Variants in FYCO1 observed in about 807,000 individuals in gnomAD.
The protein encoded by FYCO1 is FYVE and coiled-coil domain autophagy adaptor 1, also known as FYVE and coiled-coil domain-containing protein 1.
FYCO1 carries 122 observed loss-of-function variants against 165.1 expected under a neutral mutation model. The observed-to-expected ratio is 0.74, with a 90% CI of 0.64 to 0.86. FYCO1 has a LOEUF of 0.86. Ranked by LOEUF, FYCO1 falls within the 40% of genes least tolerant of loss-of-function variation. The pLI is 0.00. For missense variants in FYCO1, 1,702 were observed against 1,810.3 expected (o/e 0.94, Z 1.09); for synonymous variants, 648 against 742.5 (o/e 0.87, Z 2.07).
Position 45,921,723 on chromosome 3 carries a change from A to G in FYCO1, c.*42T>C, listed in dbSNP as rs766460342. 8.1e-7 allele frequency: 1 copy of G among 1,240,670 alleles called. No individual in the cohort carries two copies. Among genetic ancestry groups the G allele is most frequent in the South Asian group, 1.2e-5 (1 of 83,756 alleles). 76.9% of individuals were successfully genotyped at this position (1,240,670 alleles called of 1,614,324 possible). Reference sequence around the variant, plus strand: ...CTTTATGTGACAGGTGAGGAAGAGCAGTGTTTCCTGTGGATGAAGTGAAGT... The same window carrying G: ...CTTTATGTGACAGGTGAGGAAGAGCGGTGTTTCCTGTGGATGAAGTGAAGT... On this transcript the variant is annotated 3_prime_UTR_variant, in exon 18 of 18. Transcript: ENST00000296137.
intron 15 of FYCO1, among the ~76,000 whole-genome samples, chr3:45,933,006 C>A (rs566944389): frequency 5.8e-4 from 88 of 152,306 alleles, no homozygotes; most frequent in African/African-American, 2.0e-3. Flanking sequence ...CTCCAGAATT[C>A]TCCCCTGGCA....
At chr3:45,948,229 T>A (rs1305059503) in intron 14 of FYCO1, 1 of 167,082 alleles carries the variant, frequency 6.0e-6, no homozygotes. Context: ...AAAAATGAAA[T>A]TTTCCAATGT....
In FYCO1 at chr3:45,964,601, C is replaced by T; in HGVS notation, c.3151-147G>A. On this transcript the variant is annotated intron_variant, in intron 9 of 17. Coordinates refer to ENST00000296137, the MANE Select transcript of FYCO1 (RefSeq NM_024513.4). This position sits in a 1 kb window ranked among gnomAD's most constrained non-coding sequence, Gnocchi z 4.1. The stretch of plus-strand genomic sequence containing the variant: ...CTATTAAGTTCAAGAGGCCATGAAC[C>T]TCTGCTCTATATTTGTGGGGCCTCA... The T allele has an allele frequency of 1.4e-5, 21 of 1,489,938 alleles. No individual in the cohort carries two copies. In the South Asian group the frequency reaches 2.6e-4, roughly 18 times the overall value. 92.3% of individuals were successfully genotyped at this position (1,489,938 alleles called of 1,614,324 possible).
chr3:45,955,349 T>C lies in FYCO1; in HGVS notation c.3844A>G (p.Ile1282Val), dbSNP rs758502497. 1.2e-6 allele frequency: 2 copies of C among 1,614,208 alleles called. No homozygotes were observed. Among genetic ancestry groups the C allele is most frequent in the Middle Eastern group, 1.7e-4 (1 of 6,058 alleles). The part of the protein sequence containing the change: ...YRPPDDAVFD[I>V]ITDEELCQIQ... ...TGGCACAATTCCTCATCTGTGATGA[T>C]ATCAAACACAGCGTCGTCCGGTGGC... Residue 1282 changes from isoleucine (I) to valine (V), a missense_variant, in exon 14 of 18, where the codon ATC (isoleucine) becomes GTC (valine). By Grantham distance (29) the Ile-to-Val change is conservative (BLOSUM62 3). Transcript: ENST00000296137.
At position 45,962,494 on chromosome 3, in the gene FYCO1, G is replaced by T; in HGVS notation, c.3270-102C>A. 1.9e-6 allele frequency: 2 copies of T among 1,045,412 alleles called. No homozygotes were observed. The highest frequency in any genetic ancestry group is 3.0e-6 in the Non-Finnish European group (2 of 664,878). The allele number at this position is 1,045,412 out of a possible 1,614,324, so 64.8% of individuals were successfully genotyped here. A position where few individuals can be genotyped will look rare whatever the true frequency, so the allele number is the denominator to read the frequency against. On this transcript the variant is annotated intron_variant, in intron 10 of 17. Coordinates refer to ENST00000296137, the MANE Select transcript of FYCO1 (RefSeq NM_024513.4). This position sits in a 1 kb window ranked among gnomAD's most constrained non-coding sequence, Gnocchi z 4.4. ...CTAATGAGGGGTGCTACTGCCCTCC[G>T]CCATGGGGGAGCCCCTTGGTATCTG...
intron 14 of FYCO1, among the ~76,000 whole-genome samples, chr3:45,942,106 G>A (rs897918322): frequency 2.0e-5 from 3 of 152,190 alleles, no homozygotes; most frequent in Non-Finnish European, 4.4e-5. Context: ...CAGTCTGAAC[G>A]AATTCATTCA....
intron 1 of FYCO1, among the ~76,000 whole-genome samples, chr3:45,994,646 C>T (rs1220540208): frequency 6.6e-6 from 1 of 152,122 alleles, no homozygotes; most frequent in African/African-American, 2.4e-5. Flanking sequence ...TCCAGCTCCC[C>T]ACCCCTCCCC....
At chr3:45,973,856 G>C (rs1278858842) in intron 5 of FYCO1, among the ~76,000 whole-genome samples, 3 of 152,118 alleles carry the variant, frequency 2.0e-5, no homozygotes, top group African/African-American at 4.8e-5. Context: ...CCAGGAGTTT[G>C]AGGCCAGGGT....
At chr3:45,975,404 C>G (rs1455453073) in intron 4 of FYCO1, 59 bp from the exon 5 acceptor site, 1 of 1,295,366 alleles carries the variant, frequency 7.7e-7, no homozygotes. Context: ...AAATACAGAC[C>G]TGGTCTCATA....
Position 45,942,159 on chromosome 3 carries a change from A to C in FYCO1, c.3945-5616T>G, listed in dbSNP as rs142022365. 4.0e-4 allele frequency among the ~76,000 whole-genome samples: 61 copies of C among 152,352 alleles called. 2 individuals carry two copies. The East Asian group carries it at 0.012, about 29-fold the overall frequency. Reference sequence around the variant, plus strand: ...ACTAGAGGTCTTCAGATCTTTTATCAGGGCCCCCTGGCACAGCTCCATACT... The same window carrying C: ...ACTAGAGGTCTTCAGATCTTTTATCCGGGCCCCCTGGCACAGCTCCATACT... On this transcript the variant is annotated intron_variant, in intron 14 of 17. Coordinates refer to ENST00000296137, the MANE Select transcript of FYCO1 (RefSeq NM_024513.4).
chr3:45,925,056 A>C (rs1703257475), intron 16 of FYCO1, among the ~76,000 whole-genome samples: 1 of 152,018 alleles, frequency 6.6e-6, no homozygotes, highest in Non-Finnish European at 1.5e-5. Flanking sequence ...CAGCCTCCTG[A>C]GTAGCTAGGA....
rs369810040 is a variant in FYCO1 at position 45,923,817 on chromosome 3, C to T, written c.4252-52G>A. ...ACATCACAGAGGCTGAGAGGGCCCT[C>T]GGCATCCTCAGGGAAGACCCTTTAT... is the stretch of plus-strand genomic sequence containing the variant. On this transcript the variant is annotated intron_variant, in intron 16 of 17. Transcript: ENST00000296137. 98 of 1,202,470 alleles carry T rather than the reference C, an allele frequency of 8.1e-5. No homozygotes were observed. The African/African-American group carries it at 1.1e-3, about 14-fold the overall frequency. 74.5% of individuals were successfully genotyped at this position (1,202,470 alleles called of 1,614,324 possible).
At position 45,969,589 on chromosome 3, in the gene FYCO1, G is replaced by A. The variant is rs1374749660; in HGVS notation, c.630+86C>T. The A allele has an allele frequency of 1.4e-4, 142 of 1,035,920 alleles. 5 individuals are homozygous for A. In the South Asian group the frequency reaches 1.6e-3, roughly 12 times the overall value. 64.2% of individuals were successfully genotyped at this position (1,035,920 alleles called of 1,614,324 possible). A position where few individuals can be genotyped will look rare whatever the true frequency, so the allele number is the denominator to read the frequency against. On this transcript the variant is annotated intron_variant, in intron 7 of 17. Coordinates refer to ENST00000296137, the MANE Select transcript of FYCO1 (RefSeq NM_024513.4). ...GCTCTGGCTGGAACAACGGGCATCT[G>A]AGAACATCACCCTTGAGTTGCTAGG... is the stretch of plus-strand genomic sequence containing the variant.
At chr3:45,986,238 T>C (rs1389413814) in intron 1 of FYCO1, among the ~76,000 whole-genome samples, 2 of 152,212 alleles carry the variant, frequency 1.3e-5, no homozygotes, top group African/African-American at 4.8e-5. Flanking sequence ...ACTCAGCCAT[T>C]GTCACTACAG....
At chr3:45,946,733 G>C (rs764526862) in intron 14 of FYCO1, 1 of 1,614,124 alleles carries the variant, frequency 6.2e-7, no homozygotes, top group Non-Finnish European at 8.5e-7. Flanking sequence ...TCTGCACTCT[G>C]CCCTTCTGGG....
Position 45,962,199 on chromosome 3 carries a change from A to C in FYCO1, c.3437+26T>G, listed in dbSNP as rs1705731143. ...AAAACCCCAGTGTGGGGAAAACCCC[A>C]GCTGCTGGTTTGACACAGCACTCAC... On this transcript the variant is annotated intron_variant, in intron 11 of 17. Transcript: ENST00000296137. The surrounding 1 kb of genome is among the most constrained non-coding windows in gnomAD (Gnocchi z 4.4). 4.3e-6 allele frequency: 7 copies of C among 1,613,350 alleles called. No individual in the cohort carries two copies. The highest frequency in any genetic ancestry group is 1.7e-4 in the Middle Eastern group (1 of 6,058).
At chr3:45,975,831 C>A (rs562765838) in intron 4 of FYCO1, among the ~76,000 whole-genome samples, 1 of 152,110 alleles carries the variant, frequency 6.6e-6, no homozygotes, top group African/African-American at 2.4e-5. Context: ...TTTTAAGGTG[C>A]GTGGGGAACA....
chr3:45,942,031 T>C (rs140172325), intron 14 of FYCO1, among the ~76,000 whole-genome samples: 188 of 152,382 alleles, frequency 1.2e-3, no homozygotes, highest in African/African-American at 4.4e-3. Flanking sequence ...ATGTAGTCTA[T>C]GCGGCCTCAT....
rs1427738080 is a variant in FYCO1, at chr3:45,941,507, T to C, written c.3945-4964A>G. On this transcript the variant is annotated intron_variant, in intron 14 of 17. Coordinates refer to ENST00000296137, the MANE Select transcript of FYCO1 (RefSeq NM_024513.4). ...AATGCCCTTAAAACAATTAACACTA[T>C]AAATTGGCAGATAGTAAACGGCATT... Among the ~76,000 whole-genome samples the C allele has an allele frequency of 2.0e-5, 3 of 152,346 alleles. No individual in the cohort carries two copies. The East Asian group carries it at 5.8e-4, about 29-fold the overall frequency.
Sources: gnomAD v4.1 joint callset for allele counts (sites outside exome capture counted in the v4.1 genomes callset) on GRCh38, gnomAD v4.1.1 for gene constraint, Gnocchi (gnomAD v3.1) non-coding constraint, MANE v1.5 for transcripts, NCBI Gene and HGNC (gene_info 2026-07-23, HGNC 2026-07-21) for gene names.